Variants in MLIP observed in about 807,000 individuals in gnomAD.
MLIP encodes muscular LMNA-interacting protein.
In MLIP, 79 loss-of-function variants were observed where a neutral mutation model predicts 84.8. The observed-to-expected ratio is 0.93, with a 90% CI of 0.78 to 1.12. The LOEUF (loss-of-function observed/expected upper bound fraction) is 1.12. MLIP is among the 50% of genes most tolerant of loss of function. The pLI, the probability that MLIP is intolerant of heterozygous loss-of-function variation, is 0.00. For synonymous variants in MLIP, 504 were observed against 463.0 expected (o/e 1.09, Z -1.14); for missense variants, 1,257 against 1,160.6 (o/e 1.08, Z -1.21).
intron 1 of MLIP, among the ~76,000 whole-genome samples, chr6:54,033,172 T>G (rs1243101022): frequency 6.6e-6 from 1 of 152,168 alleles, no homozygotes; most frequent in Non-Finnish European, 1.5e-5. Context: ...GCAGAACACG[T>G]TCCATGTTCT....
intron 12 of MLIP, among the ~76,000 whole-genome samples, chr6:54,246,646 A>C (rs939743039): frequency 2.0e-5 from 3 of 152,066 alleles, no homozygotes; most frequent in Non-Finnish European, 4.4e-5. Context: ...CACATTTTTC[A>C]TAACTTATCT....
intron 12 of MLIP, among the ~76,000 whole-genome samples, chr6:54,248,175 CAG>C (rs1471230462): frequency 1.3e-5 from 2 of 151,912 alleles, no homozygotes; most frequent in African/African-American, 4.8e-5. Context: ...AGATAAAAAA[CAG>C]AGAGAGAAAA....
At chr6:54,138,475 T>C (rs1313107975) in intron 4 of MLIP, among the ~76,000 whole-genome samples, 189 bp downstream of exon 4, 1 of 152,224 alleles carries the variant, frequency 6.6e-6, no homozygotes, top group Admixed American at 6.5e-5. Flanking sequence ...TATAGAATTA[T>C]GTGTTTCAGT....
intron 10 of MLIP, among the ~76,000 whole-genome samples, chr6:54,191,982 C>T (rs918357407): frequency 6.0e-5 from 9 of 149,870 alleles, no homozygotes; most frequent in Non-Finnish European, 8.9e-5. Flanking sequence ...TTCAAAGTGG[C>T]AAATATATAT....
chr6:54,124,745 A>G lies in MLIP; in HGVS notation c.525A>G (p.Leu175=). ...IGTAAVRPKS[L]AISSSLVSDV... ...CCGCAGCTGTCCGGCCCAAGTCTCT[A>G]GCTATCTCGTCCAGTCTGGTCTCTG... The change falls in exon 3 of 14, where the codon CTA becomes CTG. Residue 175 remains leucine (L), a synonymous_variant. Transcript: ENST00000502396. The G allele has an allele frequency of 6.2e-7, 1 of 1,614,204 alleles. No individual in the cohort carries two copies. The highest frequency in any genetic ancestry group is 1.1e-5 in the South Asian group (1 of 91,084).
chr6:54,047,777 A>G (rs144107487), intron 1 of MLIP, among the ~76,000 whole-genome samples: 130 of 152,364 alleles, frequency 8.5e-4, no homozygotes, highest in African/African-American at 3.0e-3. Flanking sequence ...TGTGACAGTT[A>G]CTGTGCTATG....
chr6:54,045,836 G>C (rs1765017912), intron 1 of MLIP: 1 of 152,234 alleles, frequency 6.6e-6, no homozygotes, highest in East Asian at 1.9e-4. Flanking sequence ...CTGTGGAACT[G>C]TGAGCCAATT....
chr6:54,110,074 C>G (rs919819409), upstream of MLIP, among the ~76,000 whole-genome samples: 5 of 151,386 alleles, frequency 3.3e-5, no homozygotes, highest in Non-Finnish European at 5.9e-5. Flanking sequence ...GCTCCGCCTC[C>G]CGGATTCATG....
At chr6:54,139,110 C>G (rs565804117) in intron 4 of MLIP, among the ~76,000 whole-genome samples, 87 of 152,208 alleles carry the variant, frequency 5.7e-4, no homozygotes, top group African/African-American at 2.0e-3. Flanking sequence ...TATATGTGTA[C>G]CACTATACTA....
chr6:54,214,380 C>T (rs569055902), intron 11 of MLIP, among the ~76,000 whole-genome samples: 1 of 152,314 alleles, frequency 6.6e-6, no homozygotes, highest in Non-Finnish European at 1.5e-5. Context: ...TCTCTCTAAT[C>T]TCTTATTCCC....
intron 5 of MLIP, among the ~76,000 whole-genome samples, chr6:54,149,608 T>C (rs1468617403): frequency 6.6e-6 from 1 of 152,054 alleles, no homozygotes; most frequent in Non-Finnish European, 1.5e-5. Flanking sequence ...TATAGCTGAG[T>C]ATTCAACTTA....
chr6:54,165,966 C>T (rs1775135822), intron 8 of MLIP, among the ~76,000 whole-genome samples: 1 of 151,844 alleles, frequency 6.6e-6, no homozygotes, highest in Non-Finnish European at 1.5e-5. Context: ...CATCTATGAA[C>T]CAGAAGTGGT....
intron 13 of MLIP, among the ~76,000 whole-genome samples, chr6:54,263,730 C>A (rs76700637): frequency 0.094 from 14,202 of 151,356 alleles, 2,177 homozygotes; most frequent in African/African-American, 0.32. Context: ...TAAAAAAAAA[C>A]CAAGATTTTG....
At position 54,266,107 on chromosome 6, in the gene MLIP, A is replaced by G; in HGVS notation, c.*152A>G. ...CAGAACCAAAAAAAAAGTTTGCTGC[A>G]ATTATATAGCATCACAGTGCTCTGC... On this transcript the variant is annotated 3_prime_UTR_variant, in exon 14 of 14. Transcript: ENST00000502396. 2.9e-6 allele frequency: 2 copies of G among 698,816 alleles called. No homozygotes were observed. Among genetic ancestry groups the G allele is most frequent in the Non-Finnish European group, 5.0e-6 (2 of 403,244 alleles). 43.3% of individuals were successfully genotyped at this position (698,816 alleles called of 1,614,324 possible). A position where few individuals can be genotyped will look rare whatever the true frequency, so the allele number is the denominator to read the frequency against.
At chr6:54,252,273 A>G (rs1782664519) in intron 12 of MLIP, among the ~76,000 whole-genome samples, 1 of 112,966 alleles carries the variant, frequency 8.9e-6, no homozygotes, top group African/African-American at 3.8e-5. Context: ...ATAATATATA[A>G]TATAACTATA....
intron 1 of MLIP, among the ~76,000 whole-genome samples, chr6:54,027,686 A>T (rs1763900247): frequency 6.6e-6 from 1 of 152,104 alleles, no homozygotes; most frequent in Non-Finnish European, 1.5e-5. Flanking sequence ...CAGGGAGGGG[A>T]GCTGAGAGTT....
chr6:54,089,397 G>A (rs1767710159), intron 1 of MLIP, among the ~76,000 whole-genome samples: 1 of 152,076 alleles, frequency 6.6e-6, no homozygotes, highest in African/African-American at 2.4e-5. Context: ...CAAGGCCACA[G>A]GATAATTTTA....
chr6:54,141,133 A>C (rs974761093), intron 4 of MLIP, among the ~76,000 whole-genome samples: 3 of 152,196 alleles, frequency 2.0e-5, no homozygotes, highest in African/African-American at 7.2e-5. Flanking sequence ...AGCTAAATTC[A>C]GATATAAAGT....
intron 1 of MLIP, among the ~76,000 whole-genome samples, chr6:54,071,434 G>A (rs1415573927): frequency 7.9e-5 from 12 of 151,962 alleles, no homozygotes. Flanking sequence ...TTTATAGCTG[G>A]AGTCCTAATC....
Sources: gnomAD v4.1 joint callset for allele counts (sites outside exome capture counted in the v4.1 genomes callset) on GRCh38, gnomAD v4.1.1 for gene constraint, MANE v1.5 for transcripts, NCBI Gene and HGNC (gene_info 2026-07-23, HGNC 2026-07-21) for gene names.